Variants in CCND3 observed in about 807,000 individuals in gnomAD.
The protein encoded by CCND3 is G1/S-specific cyclin-D3.
In CCND3, 9 loss-of-function variants were observed where a neutral mutation model predicts 28.7. The observed-to-expected ratio is 0.31, with a 90% CI of 0.19 to 0.55. CCND3 has a LOEUF of 0.55. CCND3 is among the 20% of genes least tolerant of loss of function. CCND3 has a pLI of 0.93. For synonymous variants in CCND3, 164 were observed against 163.9 expected (o/e 1.00, Z 0.00); for missense variants, 315 against 385.8 (o/e 0.82, Z 1.54).
intron 1 of CCND3, among the ~76,000 whole-genome samples, chr6:41,993,925 TAAAAAAAAAAAAAAAAAA>T (rs201027925): frequency 5.8e-5 from 7 of 121,248 alleles, no homozygotes; most frequent in African/African-American, 9.8e-5. Flanking sequence ...ACTCTTGTCT[TAAAAAAAAAAAAAAAAAA>T]AAAAAAAAAA....
intron 1 of CCND3, among the ~76,000 whole-genome samples, chr6:42,027,416 A>G (rs1286809363): frequency 2.1e-4 from 30 of 144,764 alleles, no homozygotes; most frequent in Middle Eastern, 7.1e-3. Flanking sequence ...CTCCAGCCTG[A>G]GTGAGAGAGC....
At chr6:41,976,887 A>T (rs767013798) in intron 1 of CCND3, among the ~76,000 whole-genome samples, 14 of 152,094 alleles carry the variant, frequency 9.2e-5, no homozygotes, top group Non-Finnish European at 2.1e-4. Context: ...ATTTGAATGG[A>T]AGGATGCTTG....
intron 1 of CCND3, among the ~76,000 whole-genome samples, chr6:42,029,428 A>G (rs980371012): frequency 2.0e-5 from 3 of 152,116 alleles, no homozygotes; most frequent in Non-Finnish European, 1.5e-5. Flanking sequence ...TTTGTTAAAG[A>G]TGTGGGACAT....
intron 1 of CCND3, among the ~76,000 whole-genome samples, chr6:42,023,723 T>C (rs199786986): frequency 6.2e-5 from 6 of 96,922 alleles, no homozygotes. Context: ...TATTAAACAC[T>C]AAGTACAAAA....
rs1255198110 is a variant in CCND3, at chr6:41,938,782, C to T, written c.415-1388G>A. On this transcript the variant is annotated intron_variant, in intron 2 of 4. Transcript: ENST00000372991. This position sits in a 1 kb window ranked among gnomAD's most constrained non-coding sequence, Gnocchi z 4.6. ...CTAGCTAGAAGACCCAGGTTCTACA[C>T]TCATCTGCTCAGTGCGATGCTGAGG... is the stretch of plus-strand genomic sequence containing the variant. Among the ~76,000 whole-genome samples, 5 of 102,482 alleles carry T rather than the reference C, an allele frequency of 4.9e-5. No individual in the cohort carries two copies. Among genetic ancestry groups the T allele is most frequent in the South Asian group, 2.9e-4 (1 of 3,418 alleles). 67.2% of individuals were successfully genotyped at this position (102,482 alleles called of 152,430 possible).
At chr6:42,028,043 G>A (rs888307502) in intron 1 of CCND3, among the ~76,000 whole-genome samples, 3 of 152,202 alleles carry the variant, frequency 2.0e-5, no homozygotes, top group African/African-American at 7.2e-5. Flanking sequence ...CACCACGCCC[G>A]GCCGCCCGTT....
intron 1 of CCND3, among the ~76,000 whole-genome samples, chr6:41,963,100 C>T: frequency 6.6e-6 from 1 of 152,196 alleles, no homozygotes; most frequent in East Asian, 1.9e-4. Flanking sequence ...ATTCTCCGTC[C>T]AGCCTTATCT....
intron 1 of CCND3, among the ~76,000 whole-genome samples, chr6:42,020,828 C>T (rs536003483): frequency 5.3e-5 from 8 of 152,244 alleles, no homozygotes; most frequent in South Asian, 2.1e-4. Flanking sequence ...CTCAGCTCAC[C>T]GCAACCTCTG....
intron 1 of CCND3, among the ~76,000 whole-genome samples, chr6:41,987,833 A>T (rs547802346): frequency 1.2e-4 from 18 of 151,566 alleles, no homozygotes; most frequent in African/African-American, 4.1e-4. Flanking sequence ...TGAATTATAT[A>T]CACCTGGAAT....
At chr6:41,946,671 A>T (rs1304921299), upstream of CCND3, among the ~76,000 whole-genome samples, 1 of 151,016 alleles carries the variant, frequency 6.6e-6, no homozygotes, top group Non-Finnish European at 1.5e-5. Context: ...TTTGAGAATC[A>T]AGGAGCTATC....
intron 1 of CCND3, among the ~76,000 whole-genome samples, chr6:42,046,234 G>C (rs1176201166): frequency 6.6e-6 from 1 of 152,184 alleles, no homozygotes; most frequent in African/African-American, 2.4e-5. Context: ...GGTGGAAAAG[G>C]GGCTGGAATC....
chr6:41,974,019 C>T (rs1390209651), intron 1 of CCND3, among the ~76,000 whole-genome samples: 1 of 152,146 alleles, frequency 6.6e-6, no homozygotes, highest in Non-Finnish European at 1.5e-5. Context: ...CCCATCTCTA[C>T]TAAAAATTCC....
At position 42,037,727 on chromosome 6, in the gene CCND3, T is replaced by C. The variant is rs1035105043; in HGVS notation, c.-46+10774A>G. ...CATGTCGGGTGCACCGATTATTAGG[T>C]ATAGCCTAAAAAACAAAAGTTCTGG... On this transcript the variant is annotated intron_variant, in intron 1 of 4. Transcript: ENST00000372988. 5.9e-5 allele frequency among the ~76,000 whole-genome samples: 9 copies of C among 152,050 alleles called. No individual in the cohort carries two copies. In the East Asian group the frequency reaches 1.7e-3, roughly 29 times the overall value.
upstream of CCND3, among the ~76,000 whole-genome samples, chr6:41,944,201 G>A (rs1053802229): frequency 1.1e-4 from 17 of 152,142 alleles, no homozygotes; most frequent in South Asian, 2.1e-4. Context: ...GCTGGGTGCG[G>A]TGGCACAAGC....
In CCND3 at chr6:41,936,655, C is replaced by T. The variant is rs770601570; in HGVS notation, c.615G>A (p.Thr205=). ...CTTGCACTGCAGCCCCAATGCTGCCCGTGGCGATCATGGATGGCGGGTACA... is the reference window on the plus strand; with the variant it reads ...CTTGCACTGCAGCCCCAATGCTGCCTGTGGCGATCATGGATGGCGGGTACA... ...FAMYPPSMIA[T]GSIGAAVQGL... The change falls in exon 4 of 5, where the codon ACG becomes ACA. Residue 205 remains threonine, a synonymous_variant. Transcript: ENST00000372991. This position sits in a 1 kb window ranked among gnomAD's most constrained non-coding sequence, Gnocchi z 4.4. The T allele has an allele frequency of 8.1e-6, 13 of 1,614,092 alleles. No homozygotes were observed. The highest frequency in any genetic ancestry group is 6.7e-5 in the Admixed American group (4 of 60,014).
chr6:41,982,869 G>A (rs1762386609), intron 1 of CCND3, among the ~76,000 whole-genome samples: 1 of 109,768 alleles, frequency 9.1e-6, no homozygotes, highest in Non-Finnish European at 1.7e-5. Flanking sequence ...GGAACAACTG[G>A]ACATCCACAT....
At chr6:42,011,565 G>A (rs1247584785) in intron 1 of CCND3, among the ~76,000 whole-genome samples, 5 of 152,116 alleles carry the variant, frequency 3.3e-5, no homozygotes, top group African/African-American at 1.2e-4. Flanking sequence ...GGCCCTAACT[G>A]GAGAAACTCA....
At chr6:41,962,436 T>A (rs1026788466) in intron 1 of CCND3, among the ~76,000 whole-genome samples, 6 of 151,592 alleles carry the variant, frequency 4.0e-5, no homozygotes, top group Middle Eastern at 3.4e-3. Flanking sequence ...GGAATGCACA[T>A]GTGCTTCTTT....
At chr6:41,979,635 CTCTCTCTCTATATATATATATG>C (rs1762282135) in intron 1 of CCND3, among the ~76,000 whole-genome samples, 1 of 34,628 alleles carries the variant, frequency 2.9e-5, no homozygotes, top group African/African-American at 8.2e-5. Context: ...CTCTCTCTCT[CTCTCTCTCTATATATATATATG>C]TATATATATA....
Sources: allele counts gnomAD v4.1 joint callset (sites outside exome capture counted in the v4.1 genomes callset), GRCh38; gene constraint gnomAD v4.1.1; non-coding constraint Gnocchi (gnomAD v3.1); transcripts MANE v1.5; gene names NCBI Gene and HGNC (gene_info 2026-07-23, HGNC 2026-07-21).